WRN: variants seen among roughly 807,000 people sequenced by gnomAD.
WRN encodes WRN RecQ like helicase, also known as bifunctional 3'-5' exonuclease/ATP-dependent helicase WRN.
In WRN, 149 loss-of-function variants were observed where a neutral mutation model predicts 180.7. The observed-to-expected ratio is 0.82, with a 90% confidence interval of 0.72 to 0.94. WRN has a LOEUF of 0.94. Ranked by LOEUF, WRN falls within the 40% of genes least tolerant of loss-of-function variation. The pLI is 0.00. For missense variants in WRN, 1,661 were observed against 1,700.1 expected (o/e 0.98, Z 0.40); for synonymous variants, 548 against 568.9 (o/e 0.96, Z 0.52).
intron 24 of WRN, among the ~76,000 whole-genome samples, chr8:31,140,743 GTTTTTTTGTT>G (rs1323677240): frequency 2.0e-5 from 3 of 151,860 alleles, no homozygotes; most frequent in Admixed American, 1.3e-4. Flanking sequence ...TTCGCATTGC[GTTTTTTTGTT>G]TTGTTTTGTT....
Position 31,059,199 on chromosome 8 carries a change from A to G in WRN, c.143A>G (p.Glu48Gly), listed in dbSNP as rs775635001. 6.2e-7 allele frequency: 1 copy of G among 1,613,880 alleles called. No homozygotes were observed. The highest frequency in any genetic ancestry group is 8.5e-7 in the Non-Finnish European group (1 of 1,179,898). Residue 48 changes from glutamate (E) to glycine (G), a missense_variant, in exon 3 of 35, where the codon GAA becomes GGA. This residue lies in a region of WRN where 500 missense variants were observed against 504.1 expected (regional missense o/e 0.99). Transcript: ENST00000298139. Reference protein sequence around the residue: ...SVFEDDLPFLEFTGSIVYSYD... With the variant: ...SVFEDDLPFLGFTGSIVYSYD... ...TTTGAAGATGACCTCCCCTTCTTAG[A>G]ATTCACTGGATCCATTGTGTATAGT...
At chr8:31,118,865 T>G (rs912163463) in intron 20 of WRN, among the ~76,000 whole-genome samples, 1 of 151,914 alleles carries the variant, frequency 6.6e-6, no homozygotes, top group Admixed American at 6.6e-5. Flanking sequence ...ATGCCTTGAG[T>G]CCTTTCTTTT....
intron 20 of WRN, 88 bp downstream of exon 20, chr8:31,116,616 A>G (rs1801534186): frequency 6.4e-7 from 1 of 1,555,572 alleles, no homozygotes; most frequent in Non-Finnish European, 8.8e-7. Context: ...TTTATTGAAT[A>G]CTTTCTTTGT....
intron 34 of WRN, among the ~76,000 whole-genome samples, chr8:31,169,352 AT>A (rs887104232): frequency 6.6e-6 from 1 of 151,618 alleles, no homozygotes; most frequent in African/African-American, 2.4e-5. Context: ...ATATATACAT[AT>A]TTTATTTTTA....
intron 31 of WRN, among the ~76,000 whole-genome samples, chr8:31,153,680 A>G (rs1803236338): frequency 6.6e-6 from 1 of 152,224 alleles, no homozygotes; most frequent in Non-Finnish European, 1.5e-5. Flanking sequence ...ATTAGGCATC[A>G]TATATATAGC....
rs186424616 is a variant in WRN, at chr8:31,167,217, G to C, written c.4178G>C (p.Gly1393Ala). Reference protein sequence around the residue: ...SSSKRSKEEVGINTETSSAER... With the variant: ...SSSKRSKEEVAINTETSSAER... The stretch of plus-strand genomic sequence containing the variant: ...TCTAAGAGAAGCAAGGAAGAAGTAG[G>C]CATCAATACTGAGGTATTAATTATA... Residue 1393 changes from glycine to alanine, a missense_variant, in exon 34 of 35, where the codon GGC becomes GCC. This residue lies in a region of WRN where 1,141 missense variants were observed against 1,149.4 expected (regional missense o/e 0.99). Transcript: ENST00000298139. 3.1e-6 allele frequency: 5 copies of C among 1,612,692 alleles called. No homozygotes were observed. In the South Asian group the frequency reaches 5.5e-5, roughly 18 times the overall value.
intron 32 of WRN, 125 bp from the exon 33 acceptor site, chr8:31,157,238 TAAGTA>T (rs1803419537): frequency 6.3e-5 from 84 of 1,332,356 alleles, no homozygotes; most frequent in Non-Finnish European, 8.5e-5. Flanking sequence ...ATGAAAAACT[TAAGTA>T]AAGGTTTAGT....
intron 18 of WRN, among the ~76,000 whole-genome samples, chr8:31,102,479 A>G (rs1336951547): frequency 1.3e-5 from 2 of 152,210 alleles, no homozygotes; most frequent in African/African-American, 2.4e-5. Context: ...CTTACTGCAC[A>G]CCTAGGCTAT....
chr8:31,054,164 C>A (rs183740654), intron 1 of WRN, among the ~76,000 whole-genome samples: 1 of 152,066 alleles, frequency 6.6e-6, no homozygotes, highest in South Asian at 2.1e-4. Context: ...TAGAGTGTAG[C>A]ATGAACCCAA....
intron 18 of WRN, among the ~76,000 whole-genome samples, chr8:31,107,486 C>G (rs1417741029): frequency 6.6e-6 from 1 of 152,140 alleles, no homozygotes. Flanking sequence ...TTCTGTTGGG[C>G]CTCCAGTGCG....
intron 20 of WRN, 138 bp from the exon 21 acceptor site, chr8:31,120,101 ATGAT>A (rs1485602708): frequency 1.1e-5 from 10 of 943,426 alleles, no homozygotes; most frequent in Non-Finnish European, 1.0e-5. Flanking sequence ...TAATCTGTAA[ATGAT>A]TGGTTGAAAT....
In WRN at chr8:31,142,710, T is replaced by G; in HGVS notation, c.3309+9T>G. ...TAAGTACAGAGAAGAAGGTTTGTTT[T>G]AAAGAAATTGTTCTGATTTATTTCA... On this transcript the variant is annotated intron_variant, in intron 27 of 34. Coordinates refer to ENST00000298139, the MANE Select transcript of WRN (RefSeq NM_000553.6). 6.3e-7 allele frequency: 1 copy of G among 1,593,032 alleles called. No homozygotes were observed.
rs935840949 is a variant in WRN at position 31,040,899 on chromosome 8, G to A, written c.-77+6926G>A. ...GGGTCTTTTCTGGCAGACCAGTAGA[G>A]AGGAAAAAGTTGATGATGTAGGAGA... On this transcript the variant is annotated intron_variant, in intron 1 of 34. Transcript: ENST00000298139. 2.6e-5 allele frequency among the ~76,000 whole-genome samples: 4 copies of A among 152,102 alleles called. No individual in the cohort carries two copies. The East Asian group carries it at 7.7e-4, about 29-fold the overall frequency.
rs757363863 is a variant in WRN at position 31,150,309 on chromosome 8, T to G, written c.3573-32T>G. Reference sequence around the variant, plus strand: ...ACTGTTTCAGTGGTTTCTTGACCTTTTTGTTGTTGTTGTTGTTGTTGTTAA... The same window carrying G: ...ACTGTTTCAGTGGTTTCTTGACCTTGTTGTTGTTGTTGTTGTTGTTGTTAA... On this transcript the variant is annotated intron_variant, in intron 30 of 34. Transcript: ENST00000298139. 8.6e-6 allele frequency: 13 copies of G among 1,508,962 alleles called. No individual in the cohort carries two copies. In the South Asian group the frequency reaches 9.0e-5, roughly 10 times the overall value. 93.5% of individuals were successfully genotyped at this position (1,508,962 alleles called of 1,614,324 possible).
At chr8:31,136,822 G>GCAATAC (rs1802415595) in intron 24 of WRN, among the ~76,000 whole-genome samples, 1 of 148,698 alleles carries the variant, frequency 6.7e-6, no homozygotes, top group Non-Finnish European at 1.5e-5. Flanking sequence ...GGGTGACAGA[G>GCAATAC]CAATACCCTG....
chr8:31,096,770 G>C lies in WRN; in HGVS notation c.1901G>C (p.Gly634Ala), dbSNP rs759533715. ...TTTTCTTTTGTTTGTTTTTACAGAG[G>C]TAAATACCGGATTGTATACGTAACT... is the stretch of plus-strand genomic sequence containing the variant. ...SENVLTDIKL[G>A]KYRIVYVTPE... The change falls in exon 17 of 35, where the codon GGT (glycine) becomes GCT (alanine). Residue 634 changes from glycine to alanine, a missense_variant and splice_region_variant. By Grantham distance (60) the Gly-to-Ala change is moderately conservative (BLOSUM62 0). Transcript: ENST00000298139. 6.2e-7 allele frequency: 1 copy of C among 1,608,152 alleles called. No homozygotes were observed. Among genetic ancestry groups the C allele is most frequent in the Non-Finnish European group, 8.5e-7 (1 of 1,178,388 alleles).
In WRN at chr8:31,058,287, T is replaced by C. The variant is rs1812352531; in HGVS notation, c.-76-85T>C. The C allele has an allele frequency of 4.8e-6, 3 of 625,488 alleles. No homozygotes were observed. In the South Asian group the frequency reaches 5.7e-5, roughly 12 times the overall value. 38.7% of individuals were successfully genotyped at this position (625,488 alleles called of 1,614,324 possible). ...TTTTGTTTTGTGATTCTAGCTCTTA[T>C]AACCTATGCTTGGACCTAGGTGTCA... On this transcript the variant is annotated intron_variant, in intron 1 of 34. Transcript: ENST00000298139.
At chr8:31,114,913 T>G (rs1194103318) in intron 19 of WRN, among the ~76,000 whole-genome samples, 3 of 134,208 alleles carry the variant, frequency 2.2e-5, no homozygotes, top group Non-Finnish European at 4.8e-5. Context: ...TTTTTTTTTT[T>G]GACATGGAGT....
Position 31,064,368 on chromosome 8 carries a change from G to A in WRN, c.289G>A (p.Val97Ile), listed in dbSNP as rs757573403. The stretch of plus-strand genomic sequence containing the variant: ...ATACAATAGAGGGAAACTTGGCAAA[G>A]TTGCACTAATTCAGTTGTGTGTTTC... ...PLYNRGKLGK[V>I]ALIQLCVSES... is the part of the protein sequence containing the mutation. Residue 97 changes from valine to isoleucine, a missense_variant, in exon 4 of 35, where the codon GTT becomes ATT. By Grantham distance (29) the Val-to-Ile change is conservative. Around this residue, in one of 3 missense-constraint regions of WRN, gnomAD observed 500 missense variants for 504.1 expected, o/e 0.99. Coordinates refer to ENST00000298139, the MANE Select transcript of WRN (RefSeq NM_000553.6). 1 of 1,614,128 alleles carries A rather than the reference G, an allele frequency of 6.2e-7. No homozygotes were observed. Among genetic ancestry groups the A allele is most frequent in the Non-Finnish European group, 8.5e-7 (1 of 1,180,016 alleles).
Sources: allele counts gnomAD v4.1 joint callset (sites outside exome capture counted in the v4.1 genomes callset), GRCh38; gene constraint gnomAD v4.1.1; regional missense constraint gnomAD v4.1.1; transcripts MANE v1.5; gene names NCBI Gene and HGNC (gene_info 2026-07-23, HGNC 2026-07-21).